DYM: variants seen among roughly 807,000 people sequenced by gnomAD.
DYM encodes the protein dymeclin, also known as dyggve-Melchior-Clausen syndrome protein.
In DYM, 78 loss-of-function variants were observed where a neutral mutation model predicts 93.1. The ratio of observed to expected loss-of-function variants is 0.84; its 90% confidence interval spans 0.70 to 1.01. The LOEUF (loss-of-function observed/expected upper bound fraction) is 1.01. Among genes scored for constraint, DYM ranks in the 50% least tolerant of loss-of-function variants. DYM has a pLI of 0.00. For missense variants in DYM, 789 were observed against 845.0 expected (o/e 0.93, Z 0.82); for synonymous variants, 321 against 319.7 (o/e 1.00, Z -0.04).
At chr18:49,363,718 G>A (rs77067142) in intron 5 of DYM, among the ~76,000 whole-genome samples, 14,480 of 152,114 alleles carry the variant, frequency 0.095, 904 homozygotes, top group East Asian at 0.32. Context: ...GGCACTCCAC[G>A]GATCATAGAC....
At chr18:49,306,607 T>A (rs2061291274) in intron 8 of DYM, among the ~76,000 whole-genome samples, 1 of 151,340 alleles carries the variant, frequency 6.6e-6, no homozygotes, top group South Asian at 2.1e-4. Context: ...TAAACATGGA[T>A]ATATTTACCA....
At chr18:49,286,666 T>G in intron 8 of DYM, 50 bp from the exon 9 acceptor site, 1 of 1,526,174 alleles carries the variant, frequency 6.6e-7, no homozygotes, top group Non-Finnish European at 9.0e-7. Context: ...ATGAGATGAA[T>G]GTATTTCTGT....
chr18:49,399,845 T>C (rs1012400911), intron 2 of DYM, among the ~76,000 whole-genome samples: 4 of 151,868 alleles, frequency 2.6e-5, no homozygotes, highest in African/African-American at 4.8e-5. Context: ...AGGAAACACT[T>C]CCCAGTCTCC....
At chr18:49,219,672 T>C (rs1489692073) in intron 13 of DYM, among the ~76,000 whole-genome samples, 2 of 152,062 alleles carry the variant, frequency 1.3e-5, no homozygotes, top group Non-Finnish European at 2.9e-5. Context: ...ATTATCTCAA[T>C]AGATGCAGAA....
intron 5 of DYM, among the ~76,000 whole-genome samples, chr18:49,373,351 A>T (rs1450839138): frequency 6.6e-6 from 1 of 152,120 alleles, no homozygotes; most frequent in Non-Finnish European, 1.5e-5. Flanking sequence ...TTTTATGGTT[A>T]TTTCTTGACT....
At chr18:49,220,961 A>C (rs1231696163) in intron 13 of DYM, among the ~76,000 whole-genome samples, 1 of 152,284 alleles carries the variant, frequency 6.6e-6, no homozygotes, top group African/African-American at 2.4e-5. Flanking sequence ...CATCAGAGTG[A>C]ACAGGCAACC....
chr18:49,378,827 TC>T, intron 4 of DYM, 127 bp from the exon 5 acceptor site: 1 of 882,412 alleles, frequency 1.1e-6, no homozygotes, highest in Non-Finnish European at 1.8e-6. Context: ...TAGGATAATG[TC>T]CATATCTTTT....
At chr18:49,050,423 T>G (rs1216442429) in intron 17 of DYM, among the ~76,000 whole-genome samples, 6 of 152,110 alleles carry the variant, frequency 3.9e-5, no homozygotes, top group African/African-American at 1.4e-4. Flanking sequence ...TATGTGACAT[T>G]AGGCTTTTGC....
At chr18:49,386,180 G>A (rs1200897075) in intron 3 of DYM, among the ~76,000 whole-genome samples, 1 of 151,920 alleles carries the variant, frequency 6.6e-6, no homozygotes. Context: ...ATGATTTTCA[G>A]GGGAACAATA....
chr18:49,111,046 C>T (rs1315994184), intron 16 of DYM, among the ~76,000 whole-genome samples: 1 of 152,138 alleles, frequency 6.6e-6, no homozygotes, highest in African/African-American at 2.4e-5. Context: ...TTTTTTCTTA[C>T]AGTTCCCATC....
chr18:49,383,311 G>C (rs1449052069), intron 3 of DYM, among the ~76,000 whole-genome samples: 1 of 151,884 alleles, frequency 6.6e-6, no homozygotes, highest in Non-Finnish European at 1.5e-5. Context: ...TCCTTATTTA[G>C]AGATACATAT....
chr18:49,073,790 A>AT (rs1039103547), intron 17 of DYM, among the ~76,000 whole-genome samples: 132 of 152,152 alleles, frequency 8.7e-4, no homozygotes, highest in African/African-American at 3.0e-3. Context: ...CATTTAATCC[A>AT]TTTTTTCTTC....
chr18:49,085,169 A>C lies in DYM; in HGVS notation c.2025+12233T>G, dbSNP rs532804627. Among the ~76,000 whole-genome samples, 19 of 152,324 alleles carry C rather than the reference A, an allele frequency of 1.2e-4. No individual in the cohort carries two copies. The South Asian group carries it at 3.9e-3, about 32-fold the overall frequency. ...AAAACAGGGATTACTCTTATGACTC[A>C]ATAAACTTCCGAAATTGGGTATAAA... On this transcript the variant is annotated intron_variant, in intron 17 of 17. Transcript: ENST00000675505.
At chr18:49,418,666 C>T (rs1483992065) in intron 2 of DYM, among the ~76,000 whole-genome samples, 2 of 152,246 alleles carry the variant, frequency 1.3e-5, no homozygotes, top group Non-Finnish European at 2.9e-5. Flanking sequence ...ATGTATCTAA[C>T]GAATTCCAAG....
At position 49,327,076 on chromosome 18, in the gene DYM, G is replaced by C. The variant is rs117349002; in HGVS notation, c.763+4788C>G. Among the ~76,000 whole-genome samples, 1,248 of 147,908 alleles carry C rather than the reference G, an allele frequency of 8.4e-3. 6 individuals are homozygous for C. Among genetic ancestry groups the C allele is most frequent in the Non-Finnish European group, 0.015 (1,015 of 66,866 alleles). ...AAGAGAAAGGGGGAGAGAGAGAGAA[G>C]AAAGTACAGAATGAGACAGAAGAGG... On this transcript the variant is annotated intron_variant, in intron 8 of 17. Transcript: ENST00000675505.
At chr18:49,249,036 T>C (rs952917720) in intron 13 of DYM, among the ~76,000 whole-genome samples, 15 of 152,198 alleles carry the variant, frequency 9.9e-5, no homozygotes, top group African/African-American at 2.9e-4. Flanking sequence ...CTACCTTAGA[T>C]TGTAGAGAAC....
chr18:49,083,389 A>T (rs1487587365), intron 17 of DYM, among the ~76,000 whole-genome samples: 2 of 152,186 alleles, frequency 1.3e-5, no homozygotes, highest in Non-Finnish European at 2.9e-5. Context: ...CTTTCTGTAC[A>T]CTGCTGGTGT....
intron 13 of DYM, among the ~76,000 whole-genome samples, chr18:49,227,239 A>AG (rs2144284755): frequency 6.6e-6 from 1 of 152,240 alleles, no homozygotes; most frequent in African/African-American, 2.4e-5. Context: ...TTCCTAAAAA[A>AG]CTGAGCTCTA....
At chr18:49,398,183 C>T (rs972051081) in intron 2 of DYM, among the ~76,000 whole-genome samples, 8 of 152,030 alleles carry the variant, frequency 5.3e-5, no homozygotes, top group African/African-American at 1.9e-4. Context: ...AGAAGTGATC[C>T]TATGATATAG....
Sources: allele counts gnomAD v4.1 joint callset (sites outside exome capture counted in the v4.1 genomes callset), GRCh38; gene constraint gnomAD v4.1.1; transcripts MANE v1.5; gene names NCBI Gene and HGNC (gene_info 2026-07-23, HGNC 2026-07-21).